LINGO3: variants seen among roughly 807,000 people sequenced by gnomAD.
LINGO3 encodes leucine rich repeat and Ig domain containing 3.
For missense variants in LINGO3, 750 were observed against 867.7 expected, an observed-to-expected ratio of 0.86 and a Z score of 1.70; for synonymous variants, 427 against 444.2, an observed-to-expected ratio of 0.96 and a Z score of 0.49.
chr19:2,294,325 G>A (rs1055778766), upstream of LINGO3, among the ~76,000 whole-genome samples: 7 of 152,210 alleles, frequency 4.6e-5, no homozygotes, highest in East Asian at 5.8e-4. The surrounding 1 kb of genome is among the most constrained non-coding windows in gnomAD (Gnocchi z 4.3). Context: ...CCAGGAAGCC[G>A]GGAGAGGCAG....
chr19:2,294,196 C>T (rs2025553372), upstream of LINGO3, among the ~76,000 whole-genome samples: 1 of 152,192 alleles, frequency 6.6e-6, no homozygotes, highest in East Asian at 1.9e-4. This position sits in a 1 kb window ranked among gnomAD's most constrained non-coding sequence, Gnocchi z 4.3. Context: ...GACTCCTGTC[C>T]TTACAACAAG....
chr19:2,289,079 G>C (rs118189898), downstream of LINGO3, among the ~76,000 whole-genome samples: 2 of 150,706 alleles, frequency 1.3e-5, no homozygotes, highest in East Asian at 3.9e-4. Flanking sequence ...GCTGTATCCC[G>C]GGTGTGAGCT....
chr19:2,304,755 T>C, the LINGO3 span, among the ~76,000 whole-genome samples: 2 of 143,786 alleles, frequency 1.4e-5, no homozygotes, highest in African/African-American at 5.1e-5. Context: ...TCTCGCTCTG[T>C]CACCCAGGCT....
At position 2,290,530 on chromosome 19, in the gene LINGO3, C is replaced by T. The variant is rs1451023144; in HGVS notation, c.1247G>A (p.Arg416His). The T allele has an allele frequency of 2.6e-6, 4 of 1,514,774 alleles. No homozygotes were observed. Among genetic ancestry groups the T allele is most frequent in the East Asian group, 2.6e-5 (1 of 38,892 alleles). The allele number at this position is 1,514,774 out of a possible 1,614,324, so 93.8% of individuals were successfully genotyped here. Residue 416 changes from arginine to histidine, a missense_variant, in exon 1 of 1, where the codon CGC becomes CAC. Physicochemically the swap from Arg to His is conservative, Grantham distance 29. Transcript: ENST00000585527. This position sits in a 1 kb window ranked among gnomAD's most constrained non-coding sequence, Gnocchi z 6.0. ...GTCTTCGCCCGCGGTGGCCGTGACG[C>T]GCTGCAGCCGCCGCTCCCGGATCTT...
chr19:2,292,114 G>C (rs1417033151), upstream of LINGO3: 3 of 342,396 alleles, frequency 8.8e-6, no homozygotes, highest in African/African-American at 2.3e-5. Context: ...CTTGGGCCCA[G>C]GAGGTGGAGG....
At chr19:2,295,546 G>A (rs2025564950), upstream of LINGO3, among the ~76,000 whole-genome samples, 1 of 152,108 alleles carries the variant, frequency 6.6e-6, no homozygotes, top group South Asian at 2.1e-4. Flanking sequence ...AGCAGCCTAA[G>A]CAACATGGAG....
chr19:2,307,200 G>A, the LINGO3 span, among the ~76,000 whole-genome samples: 2 of 152,160 alleles, frequency 1.3e-5, no homozygotes, highest in Admixed American at 6.5e-5. Flanking sequence ...GCCTCGCTGC[G>A]TCCATGGTTT....
the LINGO3 span, among the ~76,000 whole-genome samples, chr19:2,306,333 G>A: frequency 3.3e-5 from 5 of 152,164 alleles, no homozygotes; most frequent in East Asian, 3.9e-4. Flanking sequence ...TTGGAGGCCC[G>A]AGATTGACAT....
the LINGO3 span, among the ~76,000 whole-genome samples, chr19:2,300,230 C>T: frequency 1.3e-5 from 2 of 151,712 alleles, no homozygotes; most frequent in Non-Finnish European, 2.9e-5. Context: ...CGGGGTTTCA[C>T]CTTGTTGGCC....
chr19:2,298,519 A>G, the LINGO3 span, among the ~76,000 whole-genome samples: 3 of 145,044 alleles, frequency 2.1e-5, no homozygotes, highest in African/African-American at 7.7e-5. Context: ...GGCATGAGCC[A>G]CCGTGCTGGG....
At chr19:2,288,189 C>T (rs2025483190), downstream of LINGO3, among the ~76,000 whole-genome samples, 2 of 152,302 alleles carry the variant, frequency 1.3e-5, no homozygotes, top group South Asian at 4.1e-4. This position sits in a 1 kb window ranked among gnomAD's most constrained non-coding sequence, Gnocchi z 6.5. Flanking sequence ...GGCCTGTGAC[C>T]CCAGCTTTGG....
chr19:2,303,807 G>A, the LINGO3 span, among the ~76,000 whole-genome samples: 1 of 152,236 alleles, frequency 6.6e-6, no homozygotes, highest in Non-Finnish European at 1.5e-5. Flanking sequence ...CAATGATGGA[G>A]CATGGGGAGG....
At chr19:2,301,789 A>T in the LINGO3 span, among the ~76,000 whole-genome samples, 1 of 151,710 alleles carries the variant, frequency 6.6e-6, no homozygotes, top group African/African-American at 2.4e-5. Flanking sequence ...TTAGCCGGGC[A>T]TGGTGGCGGG....
rs752371848 is a variant in LINGO3, at chr19:2,290,963, G to A, written c.814C>T (p.Leu272Phe). ...TTGTGCGACAGATTGAGGCAGGTGA[G>A]GTGCGCCTGGTGCCGCAGCGCGGCG... The change falls in exon 1 of 1, where the codon CTC becomes TTC. Residue 272 changes from leucine (L) to phenylalanine (F), a missense_variant. Leu to Phe is a conservative substitution (Grantham distance 22). Transcript: ENST00000585527. This position sits in a 1 kb window ranked among gnomAD's most constrained non-coding sequence, Gnocchi z 6.0. The A allele has an allele frequency of 2.5e-6, 4 of 1,611,830 alleles. No individual in the cohort carries two copies. Among genetic ancestry groups the A allele is most frequent in the Non-Finnish European group, 3.4e-6 (4 of 1,179,500 alleles).
downstream of LINGO3, among the ~76,000 whole-genome samples, chr19:2,288,805 T>C (rs1599162618): frequency 6.6e-6 from 1 of 152,190 alleles, no homozygotes; most frequent in African/African-American, 2.4e-5. This position sits in a 1 kb window ranked among gnomAD's most constrained non-coding sequence, Gnocchi z 6.5. Flanking sequence ...GGGTGGGCTC[T>C]GTGTCCCAGG....
exon 1 of LINGO3, chr19:2,291,818 C>T: frequency 6.9e-7 from 1 of 1,452,614 alleles, no homozygotes; most frequent in Non-Finnish European, 9.1e-7. Flanking sequence ...CATCCTCCTG[C>T]GCACCTGCGG....
At chr19:2,291,245 C>T (rs1285476344) in exon 1 of LINGO3, 1 of 1,611,804 alleles carries the variant, frequency 6.2e-7, no homozygotes, top group Non-Finnish European at 8.5e-7. Context: ...AGGGTCAGCT[C>T]CTCCAGGGCC....
chr19:2,288,256 T>C (rs1214612242), downstream of LINGO3, among the ~76,000 whole-genome samples: 1 of 152,156 alleles, frequency 6.6e-6, no homozygotes, highest in East Asian at 1.9e-4. This position sits in a 1 kb window ranked among gnomAD's most constrained non-coding sequence, Gnocchi z 6.5. Context: ...CATCACCTTC[T>C]CCCGAGGACC....
chr19:2,307,689 C>A, the LINGO3 span, among the ~76,000 whole-genome samples: 1 of 152,324 alleles, frequency 6.6e-6, no homozygotes, highest in African/African-American at 2.4e-5. Flanking sequence ...GGAGACAGGG[C>A]AGGAAGGCGC....
Sources: allele counts gnomAD v4.1 joint callset (sites outside exome capture counted in the v4.1 genomes callset), GRCh38; gene constraint gnomAD v4.1.1; non-coding constraint Gnocchi (gnomAD v3.1); transcripts MANE v1.5; gene names NCBI Gene and HGNC (gene_info 2026-07-23, HGNC 2026-07-21).